PLCG2: variants seen among roughly 807,000 people sequenced by gnomAD.
PLCG2 encodes the protein phospholipase C gamma 2, also known as 1-phosphatidylinositol 4,5-bisphosphate phosphodiesterase gamma-2.
Under a neutral mutation model 175.6 loss-of-function variants are expected in PLCG2, and 69 were observed. That is an observed-to-expected ratio of 0.39 (90% CI 0.32 to 0.48). The LOEUF (loss-of-function observed/expected upper bound fraction) is 0.48. PLCG2 is among the 20% of genes least tolerant of loss of function. The pLI, the probability that PLCG2 is intolerant of heterozygous loss-of-function variation, is 0.91. For synonymous variants in PLCG2, 827 were observed against 624.0 expected (o/e 1.33, Z -4.85); for missense variants, 1,798 against 1,650.9 (o/e 1.09, Z -1.54).
chr16:81,943,760 C>G (rs1911046495), intron 30 of PLCG2, among the ~76,000 whole-genome samples: 1 of 152,158 alleles, frequency 6.6e-6, no homozygotes, highest in South Asian at 2.1e-4. Context: ...AAACTAGCAA[C>G]AAAAATCACA....
chr16:81,893,980 A>C (rs569916389), intron 12 of PLCG2, among the ~76,000 whole-genome samples, 186 bp downstream of exon 12: 29 of 102,022 alleles, frequency 2.8e-4, no homozygotes, highest in African/African-American at 1.3e-3. Flanking sequence ...TTTTTTTTTG[A>C]GACGGAGTCC....
At chr16:81,811,278 C>G (rs554220536) in intron 2 of PLCG2, among the ~76,000 whole-genome samples, 11 of 152,224 alleles carry the variant, frequency 7.2e-5, no homozygotes, top group Non-Finnish European at 1.0e-4. Flanking sequence ...GGTGTAAAGA[C>G]TAGAGATCGG....
chr16:81,814,011 C>G (rs1260374943), intron 2 of PLCG2, among the ~76,000 whole-genome samples: 2 of 152,182 alleles, frequency 1.3e-5, no homozygotes, highest in African/African-American at 2.4e-5. Flanking sequence ...GGGCATCTCT[C>G]TGAGCCTTGA....
intron 1 of PLCG2, among the ~76,000 whole-genome samples, chr16:81,783,595 A>G (rs1910840637): frequency 2.0e-5 from 3 of 152,308 alleles, no homozygotes; most frequent in South Asian, 4.1e-4. Flanking sequence ...ACTTTGATCA[A>G]GTAATGTGAC....
intron 3 of PLCG2, 138 bp from the exon 4 acceptor site, chr16:81,858,125 A>G: frequency 1.4e-6 from 1 of 693,014 alleles, no homozygotes; most frequent in Non-Finnish European, 2.6e-6. Flanking sequence ...GTGAAAGGGG[A>G]TGCTTTCTTT....
At chr16:81,789,310 A>C (rs896088561) in intron 2 of PLCG2, among the ~76,000 whole-genome samples, 3 of 152,204 alleles carry the variant, frequency 2.0e-5, no homozygotes, top group Non-Finnish European at 4.4e-5. Flanking sequence ...TCTGTTTTAG[A>C]GACAGGGTCT....
rs372557475 is a variant in PLCG2, at chr16:81,946,186, G to A, written c.3493G>A (p.Val1165Ile). 31 of 1,613,272 alleles carry A rather than the reference G, an allele frequency of 1.9e-5. No homozygotes were observed. The highest frequency in any genetic ancestry group is 3.3e-5 in the Admixed American group (2 of 59,994). ...TTGTTCTGCTTCAGGATTCAGGTCC[G>A]TTCCTCTGAAGAATGGGTACAGCGA... is the stretch of plus-strand genomic sequence containing the variant. Reference protein sequence around the residue: ...IKAVKSGFRSVPLKNGYSEDI... With the variant: ...IKAVKSGFRSIPLKNGYSEDI... Residue 1165 changes from valine to isoleucine, a missense_variant, in exon 31 of 33, where the codon GTT becomes ATT. Val to Ile is a conservative substitution (Grantham distance 29). Coordinates refer to ENST00000564138, the MANE Select transcript of PLCG2 (RefSeq NM_002661.5).
At chr16:81,818,364 GTC>G (rs1904644898) in intron 2 of PLCG2, among the ~76,000 whole-genome samples, 1 of 152,178 alleles carries the variant, frequency 6.6e-6, no homozygotes. Flanking sequence ...GGCATTTAAT[GTC>G]TCTCTTTCTC....
chr16:81,776,302 GT>G (rs1160001848), upstream of PLCG2, among the ~76,000 whole-genome samples: 6 of 151,150 alleles, frequency 4.0e-5, no homozygotes, highest in African/African-American at 1.2e-4. Context: ...GTAGAGACGG[GT>G]TTTCACCATG....
intron 7 of PLCG2, among the ~76,000 whole-genome samples, chr16:81,880,072 C>A (rs933959577): frequency 6.6e-6 from 1 of 152,146 alleles, no homozygotes; most frequent in Non-Finnish European, 1.5e-5. Context: ...AGACCTGCAT[C>A]TCTACAAAAA....
At chr16:81,855,975 C>T (rs544865421) in intron 3 of PLCG2, among the ~76,000 whole-genome samples, 1 of 152,290 alleles carries the variant, frequency 6.6e-6, no homozygotes, top group African/African-American at 2.4e-5. Context: ...GCAGGCTGAG[C>T]CCTGACCCCC....
chr16:81,883,008 C>G (rs546232574), intron 8 of PLCG2, among the ~76,000 whole-genome samples: 15 of 152,206 alleles, frequency 9.9e-5, no homozygotes, highest in African/African-American at 3.4e-4. Flanking sequence ...TGGGGTGCAC[C>G]AGAGCTATTT....
Position 81,957,944 on chromosome 16 carries a change from G to A in PLCG2, c.3756-12G>A. 1 of 1,612,854 alleles carries A rather than the reference G, an allele frequency of 6.2e-7. No individual in the cohort carries two copies. The highest frequency in any genetic ancestry group is 1.1e-5 in the South Asian group (1 of 91,052). On this transcript the variant is annotated splice_polypyrimidine_tract_variant and intron_variant, in intron 32 of 32. Coordinates refer to ENST00000564138, the MANE Select transcript of PLCG2 (RefSeq NM_002661.5). The stretch of plus-strand genomic sequence containing the variant: ...TGGCCCACTGCTGATGGTGAAATCT[G>A]TTTTATTTCAGGTTAAGAGAGAAGA...
At chr16:81,889,774 C>T (rs1908544792) in intron 10 of PLCG2, among the ~76,000 whole-genome samples, 1 of 152,126 alleles carries the variant, frequency 6.6e-6, no homozygotes, top group Non-Finnish European at 1.5e-5. Context: ...CGTGCCTCAG[C>T]CTCCCGAGTA....
chr16:81,952,579 G>A (rs761158724), intron 31 of PLCG2, among the ~76,000 whole-genome samples: 5 of 152,118 alleles, frequency 3.3e-5, no homozygotes, highest in Non-Finnish European at 5.9e-5. Context: ...CAACCAGGGA[G>A]CGCTCCCAAT....
At position 81,884,246 on chromosome 16, in the gene PLCG2, G is replaced by A. The variant is rs577725021; in HGVS notation, c.765+905G>A. On this transcript the variant is annotated intron_variant, in intron 9 of 32. Transcript: ENST00000564138. ...GGTGCCTGTAATCCCAGCTACCTGGGAGGCTGAGGCAGGAGAATGGCTTGA... is the reference window on the plus strand; with the variant it reads ...GGTGCCTGTAATCCCAGCTACCTGGAAGGCTGAGGCAGGAGAATGGCTTGA... Among the ~76,000 whole-genome samples, 8 of 152,314 alleles carry A rather than the reference G, an allele frequency of 5.3e-5. No homozygotes were observed. In the South Asian group the frequency reaches 6.2e-4, roughly 12 times the overall value.
chr16:81,744,463 C>T (rs1342470496), intron 1 of PLCG2, among the ~76,000 whole-genome samples: 4 of 152,062 alleles, frequency 2.6e-5, no homozygotes, highest in African/African-American at 9.7e-5. Context: ...GCACCCAGTC[C>T]CCCAACTTCC....
At chr16:81,772,987 G>A (rs963544276) in intron 2 of PLCG2, among the ~76,000 whole-genome samples, 1 of 152,122 alleles carries the variant, frequency 6.6e-6, no homozygotes, top group Admixed American at 6.5e-5. Flanking sequence ...TGCCCCTGCC[G>A]ACAGCTGCCC....
rs532680550 is a variant in PLCG2 at position 81,792,480 on chromosome 16, C to CAAAAAAAA, written c.193+6322_193+6329dup. ...TGGGTGACAGAGCAAGGCTCTGTCT[C>CAAAAAAAA]AAAAAAAAAAAAAAAAAAAAAAAAA... On this transcript the variant is annotated intron_variant, in intron 2 of 32. Coordinates refer to ENST00000564138, the MANE Select transcript of PLCG2 (RefSeq NM_002661.5). Among the ~76,000 whole-genome samples, 136 of 70,128 alleles carry CAAAAAAAA rather than the reference C, an allele frequency of 1.9e-3. 2 individuals carry two copies. Among genetic ancestry groups the CAAAAAAAA allele is most frequent in the African/African-American group, 3.8e-3 (57 of 15,018 alleles). 46.0% of individuals were successfully genotyped at this position (70,128 alleles called of 152,430 possible).
Sources: gnomAD v4.1 joint callset for allele counts (sites outside exome capture counted in the v4.1 genomes callset) on GRCh38, gnomAD v4.1.1 for gene constraint, MANE v1.5 for transcripts, NCBI Gene and HGNC (gene_info 2026-07-23, HGNC 2026-07-21) for gene names.